The following PLXNA4 variants were observed in gnomAD, a reference collection of about 807,000 sequenced individuals.
PLXNA4 encodes plexin-A4.
A neutral mutation model predicts 191.8 loss-of-function variants in PLXNA4; 44 were observed. The observed-to-expected ratio is 0.23, with a 90% CI of 0.18 to 0.29. The LOEUF is 0.29. Ranked by LOEUF, PLXNA4 falls within the 10% of genes least tolerant of loss-of-function variation. PLXNA4 has a pLI of 1.00. For synonymous variants in PLXNA4, 1,082 were observed against 1,009.5 expected (o/e 1.07, Z -1.36); for missense variants, 1,800 against 2,488.8 (o/e 0.72, Z 5.89).
chr7:132,429,779 C>G (rs1795191087), intron 3 of PLXNA4, among the ~76,000 whole-genome samples: 2 of 152,184 alleles, frequency 1.3e-5, no homozygotes, highest in Admixed American at 1.3e-4. Flanking sequence ...ACTCCATAAA[C>G]CCAGCATGGT....
intron 3 of PLXNA4, chr7:132,366,160 T>G (rs60256846): frequency 0.053 from 8,006 of 152,212 alleles, 249 homozygotes; most frequent in African/African-American, 0.069. Context: ...TTTCCTCACT[T>G]CCAGGACCAA....
At chr7:132,602,445 C>T (rs139967918) in intron 2 of PLXNA4, among the ~76,000 whole-genome samples, 2 of 152,284 alleles carry the variant, frequency 1.3e-5, no homozygotes, top group Admixed American at 6.5e-5. Flanking sequence ...TTTATGGCCC[C>T]GTGGTCTCCT....
At chr7:132,527,631 A>G (rs1166080336) in intron 1 of PLXNA4, among the ~76,000 whole-genome samples, 1 of 152,022 alleles carries the variant, frequency 6.6e-6, no homozygotes, top group Admixed American at 6.6e-5. Context: ...TGAAAAATCA[A>G]TGACGCAAAG....
intron 4 of PLXNA4, among the ~76,000 whole-genome samples, chr7:132,281,098 A>G (rs1268014215): frequency 1.3e-5 from 2 of 152,196 alleles, no homozygotes; most frequent in Admixed American, 1.3e-4. Context: ...GAAAATTATT[A>G]TAATGGTAAG....
chr7:132,321,608 C>T (rs10236235), intron 3 of PLXNA4, among the ~76,000 whole-genome samples: 5,531 of 152,266 alleles, frequency 0.036, 156 homozygotes, highest in Middle Eastern at 0.068. Flanking sequence ...GTGTGTTTGC[C>T]GTGTCGGTGC....
intron 1 of PLXNA4, among the ~76,000 whole-genome samples, chr7:132,547,386 T>C (rs1416030183): frequency 6.6e-6 from 1 of 152,200 alleles, no homozygotes; most frequent in Non-Finnish European, 1.5e-5. Context: ...GTATGTTGCT[T>C]TCTTAAACCC....
At chr7:132,298,909 G>C (rs185144702) in intron 3 of PLXNA4, among the ~76,000 whole-genome samples, 2 of 152,206 alleles carry the variant, frequency 1.3e-5, no homozygotes, top group Non-Finnish European at 2.9e-5. Context: ...GATCATCCCC[G>C]GCCATCCATA....
At chr7:132,148,944 G>A (rs1795514503) in intron 25 of PLXNA4, among the ~76,000 whole-genome samples, 1 of 152,164 alleles carries the variant, frequency 6.6e-6, no homozygotes, top group Admixed American at 6.5e-5. Flanking sequence ...TGCTCAAAAA[G>A]TATTGGCCAA....
chr7:132,523,213 A>G (rs1799259666), intron 1 of PLXNA4, among the ~76,000 whole-genome samples: 1 of 152,134 alleles, frequency 6.6e-6, no homozygotes, highest in African/African-American at 2.4e-5. Flanking sequence ...AAAAATAACT[A>G]TTTTCAGATA....
chr7:132,363,011 G>A (rs1203348538), intron 3 of PLXNA4, among the ~76,000 whole-genome samples: 1 of 152,148 alleles, frequency 6.6e-6, no homozygotes, highest in African/African-American at 2.4e-5. Context: ...TTGAAACGGA[G>A]TCTCACTCTG....
At position 132,147,930 on chromosome 7, in the gene PLXNA4, T is replaced by C; in HGVS notation, c.4834A>G (p.Thr1612Ala). 1 of 1,614,074 alleles carries C rather than the reference T, an allele frequency of 6.2e-7. No homozygotes were observed. The highest frequency in any genetic ancestry group is 8.5e-7 in the Non-Finnish European group (1 of 1,180,014). Residue 1612 changes from threonine (T) to alanine (A), a missense_variant, in exon 27 of 32, where the codon ACC becomes GCC. By Grantham distance (58) the Thr-to-Ala change is moderately conservative (BLOSUM62 0). Transcript: ENST00000321063. ...TTACTTGCTGAGGTCCTGGAGACGG[T>C]GGAGTTGTTCACTGCGTTATAGGCT... ...VTAYNAVNNS[T>A]VSRTSASKYE...
intron 3 of PLXNA4, among the ~76,000 whole-genome samples, chr7:132,324,325 T>C (rs1245569681): frequency 6.6e-6 from 1 of 152,212 alleles, no homozygotes; most frequent in Non-Finnish European, 1.5e-5. Flanking sequence ...AAATATTTTG[T>C]GTTTACTTAT....
At chr7:132,261,031 T>TA (rs947755416) in intron 4 of PLXNA4, among the ~76,000 whole-genome samples, 1 of 152,316 alleles carries the variant, frequency 6.6e-6, no homozygotes, top group African/African-American at 2.4e-5. Flanking sequence ...AAAACTGCTC[T>TA]AAAAAATAGT....
intron 6 of PLXNA4, 106 bp from the exon 7 acceptor site, chr7:132,227,710 G>T: frequency 7.1e-7 from 1 of 1,398,846 alleles, no homozygotes. Context: ...CACAGGGAAA[G>T]CAAAGACAAG....
At chr7:132,333,887 TTC>T (rs1802699144) in intron 3 of PLXNA4, among the ~76,000 whole-genome samples, 1 of 152,184 alleles carries the variant, frequency 6.6e-6, no homozygotes, top group African/African-American at 2.4e-5. Context: ...TGCTGATTTT[TTC>T]TCTCTCTTCT....
At chr7:132,504,103 A>G (rs1459866425) in intron 2 of PLXNA4, among the ~76,000 whole-genome samples, 1 of 152,226 alleles carries the variant, frequency 6.6e-6, no homozygotes, top group Non-Finnish European at 1.5e-5. Context: ...CTCCTGGCCA[A>G]CCAGCCCTCA....
At chr7:132,163,306 G>A (rs1003965951) in intron 24 of PLXNA4, among the ~76,000 whole-genome samples, 1 of 152,240 alleles carries the variant, frequency 6.6e-6, no homozygotes, top group Admixed American at 6.5e-5. Context: ...CCAAGCACTA[G>A]TGCATGAGTA....
At chr7:132,527,076 C>T (rs1432654155) in intron 1 of PLXNA4, among the ~76,000 whole-genome samples, 1 of 152,188 alleles carries the variant, frequency 6.6e-6, no homozygotes. Flanking sequence ...TTATGTTAGC[C>T]ATGCTCTTAG....
intron 3 of PLXNA4, among the ~76,000 whole-genome samples, chr7:132,407,787 A>T (rs1337048871): frequency 6.6e-6 from 1 of 152,226 alleles, no homozygotes; most frequent in East Asian, 1.9e-4. Context: ...TTCATATCAC[A>T]ATCTCTGCTA....
Sources: gnomAD v4.1 joint callset for allele counts (sites outside exome capture counted in the v4.1 genomes callset) on GRCh38, gnomAD v4.1.1 for gene constraint, MANE v1.5 for transcripts, NCBI Gene and HGNC (gene_info 2026-07-23, HGNC 2026-07-21) for gene names.